The following TTBK2 variants were observed in gnomAD, a reference collection of about 807,000 sequenced individuals.
The protein encoded by TTBK2 is tau-tubulin kinase 2.
Under a neutral mutation model 110.8 loss-of-function variants are expected in TTBK2, and 28 were observed. That is an observed-to-expected ratio of 0.25 (90% CI 0.19 to 0.35). The LOEUF is 0.35. TTBK2 is among the 10% of genes least tolerant of loss of function. The pLI, the probability that TTBK2 is intolerant of heterozygous loss-of-function variation, is 1.00. For missense variants in TTBK2, 1,369 were observed against 1,500.3 expected (o/e 0.91, Z 1.45); for synonymous variants, 532 against 527.3 (o/e 1.01, Z -0.12).
intron 6 of TTBK2, among the ~76,000 whole-genome samples, chr15:42,822,118 G>C (rs900836070): frequency 2.0e-5 from 3 of 152,034 alleles, no homozygotes; most frequent in Admixed American, 1.3e-4. Context: ...CATTTTTATT[G>C]TGTTGTTTTC....
At chr15:42,756,318 G>A (rs1391721561) in intron 13 of TTBK2, among the ~76,000 whole-genome samples, 1 of 152,148 alleles carries the variant, frequency 6.6e-6, no homozygotes, top group African/African-American at 2.4e-5. Context: ...AAGCACGGTG[G>A]CTCATGCCTG....
intron 3 of TTBK2, among the ~76,000 whole-genome samples, chr15:42,860,468 C>T (rs145367806): frequency 6.6e-6 from 1 of 151,860 alleles, no homozygotes; most frequent in East Asian, 1.9e-4. Flanking sequence ...CAAAAATTAG[C>T]CAGGCACAGT....
intron 3 of TTBK2, among the ~76,000 whole-genome samples, chr15:42,866,683 C>T (rs1386025849): frequency 3.9e-5 from 6 of 152,038 alleles, no homozygotes; most frequent in Non-Finnish European, 8.8e-5. Context: ...CATACCCTAA[C>T]AAACTTAAAA....
In TTBK2 at chr15:42,790,044, G is replaced by T. The variant is rs1422605548; in HGVS notation, c.980+4600C>A. On this transcript the variant is annotated intron_variant, in intron 10 of 14. Coordinates refer to ENST00000267890, the MANE Select transcript of TTBK2 (RefSeq NM_173500.4). The stretch of plus-strand genomic sequence containing the variant: ...GACACAGTGGGATCCAATAAATGGT[G>T]CTCTTCAATAAATGGTGCCGGAAAA... Among the ~76,000 whole-genome samples the T allele has an allele frequency of 2.6e-5, 4 of 152,026 alleles. No individual in the cohort carries two copies. In the East Asian group the frequency reaches 7.7e-4, roughly 29 times the overall value.
intron 7 of TTBK2, 137 bp from the exon 8 acceptor site, chr15:42,811,917 C>CATAT (rs143101383): frequency 9.4e-6 from 5 of 531,646 alleles, no homozygotes; most frequent in South Asian, 2.4e-5. Flanking sequence ...ATATGATAAA[C>CATAT]ATATATATAT....
At chr15:42,885,914 C>T (rs1416704126) in intron 1 of TTBK2, among the ~76,000 whole-genome samples, 1 of 152,158 alleles carries the variant, frequency 6.6e-6, no homozygotes, top group African/African-American at 2.4e-5. Context: ...CCAATACAAA[C>T]TCGACAGTAG....
chr15:42,914,561 G>A (rs2030974534), intron 1 of TTBK2, among the ~76,000 whole-genome samples: 1 of 152,254 alleles, frequency 6.6e-6, no homozygotes, highest in Middle Eastern at 3.4e-3. Context: ...AGGCTTGGGA[G>A]AATCCAAAGT....
At chr15:42,751,914 A>C in intron 14 of TTBK2, 60 bp downstream of exon 14, 1 of 1,596,050 alleles carries the variant, frequency 6.3e-7, no homozygotes, top group Non-Finnish European at 8.6e-7. Flanking sequence ...GGTGGACTAC[A>C]ATAAAGCAGA....
chr15:42,902,240 G>A lies in TTBK2; in HGVS notation c.-68+18198C>T, dbSNP rs542387316. On this transcript the variant is annotated intron_variant, in intron 1 of 14. Coordinates refer to ENST00000267890, the MANE Select transcript of TTBK2 (RefSeq NM_173500.4). Reference sequence around the variant, plus strand: ...CCAAAAAAAAAAAAAACCAACCACCGCCAGGCGCGGTTGCTCACGCCTGTA... The same window carrying A: ...CCAAAAAAAAAAAAAACCAACCACCACCAGGCGCGGTTGCTCACGCCTGTA... 2.0e-5 allele frequency among the ~76,000 whole-genome samples: 3 copies of A among 148,968 alleles called. No homozygotes were observed. The South Asian group carries it at 6.4e-4, about 32-fold the overall frequency.
chr15:42,790,905 A>G (rs1385972833), intron 10 of TTBK2, among the ~76,000 whole-genome samples: 1 of 151,668 alleles, frequency 6.6e-6, no homozygotes, highest in East Asian at 1.9e-4. Context: ...TTGTTTTGAG[A>G]TGGAGTCTCG....
intron 1 of TTBK2, among the ~76,000 whole-genome samples, chr15:42,904,931 G>T (rs1039228645): frequency 6.6e-6 from 1 of 151,880 alleles, no homozygotes; most frequent in Non-Finnish European, 1.5e-5. Flanking sequence ...TAGGGCAGTG[G>T]TACAATCTCG....
chr15:42,801,691 A>G (rs994715353), intron 9 of TTBK2: 8 of 893,008 alleles, frequency 9.0e-6, no homozygotes, highest in Non-Finnish European at 1.5e-5. Context: ...CCACAGATGT[A>G]TCCGAGATCT....
intron 2 of TTBK2, among the ~76,000 whole-genome samples, chr15:42,874,570 GC>G (rs1894737981): frequency 6.6e-6 from 1 of 151,934 alleles, no homozygotes; most frequent in Middle Eastern, 3.4e-3. Flanking sequence ...ACCCACCTCT[GC>G]CTCCCAAAGT....
At chr15:42,905,802 T>TA (rs35853782) in intron 1 of TTBK2, among the ~76,000 whole-genome samples, 3 of 151,536 alleles carry the variant, frequency 2.0e-5, no homozygotes, top group East Asian at 1.9e-4. Context: ...CCTCATCTAT[T>TA]AAAAAAAAGG....
At chr15:42,785,399 G>A (rs932163107) in intron 10 of TTBK2, among the ~76,000 whole-genome samples, 11 of 152,150 alleles carry the variant, frequency 7.2e-5, no homozygotes, top group African/African-American at 1.2e-4. Flanking sequence ...GGGATTACAG[G>A]TGTGAGCCAT....
chr15:42,878,489 G>GTA (rs1491103064), intron 2 of TTBK2, 60 bp downstream of exon 2: 19 of 1,208,982 alleles, frequency 1.6e-5, no homozygotes, highest in East Asian at 2.9e-5. Context: ...CCCCCGATAT[G>GTA]TATACACACA....
At chr15:42,813,213 A>G (rs1180717575) in intron 7 of TTBK2, among the ~76,000 whole-genome samples, 1 of 152,178 alleles carries the variant, frequency 6.6e-6, no homozygotes, top group Admixed American at 6.5e-5. Context: ...GAAGATACCA[A>G]AAGTATTCAA....
At chr15:42,852,179 C>T (rs1893746376) in intron 3 of TTBK2, among the ~76,000 whole-genome samples, 1 of 152,006 alleles carries the variant, frequency 6.6e-6, no homozygotes, top group African/African-American at 2.4e-5. Context: ...AAGTGATTCT[C>T]CTGCCTTAGC....
At chr15:42,756,693 GCACATA>G (rs1371484273) in intron 13 of TTBK2, among the ~76,000 whole-genome samples, 1 of 151,970 alleles carries the variant, frequency 6.6e-6, no homozygotes, top group African/African-American at 2.4e-5. Flanking sequence ...ATATAAATGT[GCACATA>G]CATATGGTAT....
Sources: gnomAD v4.1 joint callset for allele counts (sites outside exome capture counted in the v4.1 genomes callset) on GRCh38, gnomAD v4.1.1 for gene constraint, MANE v1.5 for transcripts, NCBI Gene and HGNC (gene_info 2026-07-23, HGNC 2026-07-21) for gene names.